TTC39B: variants seen among roughly 807,000 people sequenced by gnomAD.
TTC39B encodes the protein tetratricopeptide repeat protein 39B.
A neutral mutation model predicts 96.6 loss-of-function variants in TTC39B; 92 were observed. The observed-to-expected ratio is 0.95, with a 90% confidence interval of 0.80 to 1.13. The LOEUF (loss-of-function observed/expected upper bound fraction) is 1.13, where lower values mean the gene tolerates loss of function less well. Among genes scored for constraint, TTC39B ranks in the 50% most tolerant of loss-of-function variants. The pLI is 0.00. For missense variants in TTC39B, 955 were observed against 809.3 expected, an observed-to-expected ratio of 1.18 and a Z score of -2.18; for synonymous variants, 367 against 299.4, an observed-to-expected ratio of 1.23 and a Z score of -2.33.
chr9:15,263,065 C>T (rs935089023), intron 2 of TTC39B, among the ~76,000 whole-genome samples: 11 of 152,156 alleles, frequency 7.2e-5, no homozygotes, highest in Non-Finnish European at 2.9e-5. Context: ...TAATCAGAGG[C>T]CTCTGACTTG....
At chr9:15,186,317 T>C (rs549464821) in intron 15 of TTC39B, among the ~76,000 whole-genome samples, 4 of 152,068 alleles carry the variant, frequency 2.6e-5, no homozygotes, top group Non-Finnish European at 4.4e-5. Flanking sequence ...GAGGTGGGGG[T>C]CAGAGGAAGG....
rs1197140636 is a variant in TTC39B at position 15,273,907 on chromosome 9, T to C, written c.241-5959A>G. Among the ~76,000 whole-genome samples the C allele has an allele frequency of 1.1e-4, 17 of 152,166 alleles. No homozygotes were observed. In the South Asian group the frequency reaches 2.7e-3, roughly 24 times the overall value. On this transcript the variant is annotated intron_variant, in intron 1 of 19. Transcript: ENST00000512701. Reference sequence around the variant, plus strand: ...GGACTGAGGCAGGGACTAAGAGCCATGGGTATTAGGTTCTACGGAATACAA... The same window carrying C: ...GGACTGAGGCAGGGACTAAGAGCCACGGGTATTAGGTTCTACGGAATACAA...
At chr9:15,299,701 T>C (rs16932971) in intron 1 of TTC39B, among the ~76,000 whole-genome samples, 21,141 of 152,104 alleles carry the variant, frequency 0.14, 2,436 homozygotes, top group African/African-American at 0.32. Context: ...TACTGGGGCA[T>C]CCAAGACTGG....
chr9:15,257,362 G>C (rs1266416271), intron 2 of TTC39B, among the ~76,000 whole-genome samples: 1 of 152,180 alleles, frequency 6.6e-6, no homozygotes, highest in Non-Finnish European at 1.5e-5. Context: ...TTGGCCTTGA[G>C]TTGACAACTA....
intron 2 of TTC39B, among the ~76,000 whole-genome samples, chr9:15,252,069 TTTAGAAACA>T (rs1822581382): frequency 6.6e-6 from 1 of 152,120 alleles, no homozygotes; most frequent in African/African-American, 2.4e-5. Context: ...CTATAGATTC[TTTAGAAACA>T]TGAAAAGACC....
chr9:15,220,371 G>A (rs1773180532), intron 3 of TTC39B, among the ~76,000 whole-genome samples: 1 of 152,158 alleles, frequency 6.6e-6, no homozygotes, highest in Admixed American at 6.5e-5. Context: ...GGAGAGGAGG[G>A]ACCCCATAAG....
intron 2 of TTC39B, 48 bp from the exon 3 acceptor site, chr9:15,226,060 G>A (rs1821108232): frequency 1.9e-6 from 3 of 1,564,624 alleles, no homozygotes; most frequent in Non-Finnish European, 2.6e-6. Flanking sequence ...TTTGTCCTGT[G>A]AGAAAAGTCT....
At chr9:15,302,800 T>C (rs1220177494) in intron 1 of TTC39B, among the ~76,000 whole-genome samples, 1 of 151,586 alleles carries the variant, frequency 6.6e-6, no homozygotes, top group Non-Finnish European at 1.5e-5. Context: ...GCCGAGATCA[T>C]GCCATTGCAC....
chr9:15,184,079 G>A (rs1460067061), intron 16 of TTC39B, among the ~76,000 whole-genome samples: 1 of 151,846 alleles, frequency 6.6e-6, no homozygotes, highest in Non-Finnish European at 1.5e-5. Context: ...TGAAAAATTA[G>A]GAAAGAATAT....
intron 6 of TTC39B, among the ~76,000 whole-genome samples, chr9:15,204,205 G>A (rs1343008634): frequency 1.3e-5 from 2 of 152,148 alleles, no homozygotes; most frequent in Non-Finnish European, 2.9e-5. Flanking sequence ...TTTAAAAAAG[G>A]AAACCACTTA....
At chr9:15,277,682 T>C (rs1243109069) in intron 1 of TTC39B, among the ~76,000 whole-genome samples, 4 of 152,208 alleles carry the variant, frequency 2.6e-5, no homozygotes, top group African/African-American at 4.8e-5. Context: ...CTGGCACAGA[T>C]ACCATCCCTT....
At chr9:15,196,713 T>C (rs1043224800) in intron 8 of TTC39B, among the ~76,000 whole-genome samples, 1 of 152,168 alleles carries the variant, frequency 6.6e-6, no homozygotes, top group Non-Finnish European at 1.5e-5. Flanking sequence ...AACAAAGGAT[T>C]TGGAATATTA....
At chr9:15,190,448 T>C in intron 11 of TTC39B, 106 bp downstream of exon 11, 1 of 956,004 alleles carries the variant, frequency 1.0e-6, no homozygotes, top group East Asian at 2.5e-5. Flanking sequence ...TGGGTTCAAC[T>C]GATCCTCCCA....
At chr9:15,188,234 T>A in intron 13 of TTC39B, 102 bp from the exon 14 acceptor site, 1 of 1,174,298 alleles carries the variant, frequency 8.5e-7, no homozygotes, top group Non-Finnish European at 1.2e-6. Flanking sequence ...AGGACAAAAT[T>A]ATCACTCATT....
At chr9:15,241,139 T>G (rs1480742728) in intron 2 of TTC39B, among the ~76,000 whole-genome samples, 1 of 152,206 alleles carries the variant, frequency 6.6e-6, no homozygotes, top group Admixed American at 6.5e-5. Context: ...ATTTGCCAAG[T>G]GTCCCTTAGC....
chr9:15,187,225 A>G (rs1818579510), intron 14 of TTC39B, among the ~76,000 whole-genome samples, 190 bp from the exon 15 acceptor site: 1 of 152,182 alleles, frequency 6.6e-6, no homozygotes, highest in Non-Finnish European at 1.5e-5. Context: ...AATTTAAACC[A>G]TTTTCCTATT....
At chr9:15,251,721 ATATATATATATATATG>A (rs1414054971) in intron 2 of TTC39B, among the ~76,000 whole-genome samples, 5 of 122,536 alleles carry the variant, frequency 4.1e-5, no homozygotes, top group African/African-American at 1.2e-4. Flanking sequence ...ATATATATAT[ATATATATATATATATG>A]TAGTATATAT....
intron 6 of TTC39B, 22 bp downstream of exon 6, chr9:15,210,066 T>A: frequency 6.5e-7 from 1 of 1,539,826 alleles, no homozygotes; most frequent in Non-Finnish European, 8.9e-7. Flanking sequence ...AGGAAAAAAG[T>A]GATCTTTTAA....
intron 1 of TTC39B, among the ~76,000 whole-genome samples, chr9:15,277,507 CCT>C (rs749322130): frequency 1.9e-4 from 29 of 152,156 alleles, no homozygotes; most frequent in African/African-American, 6.0e-4. Flanking sequence ...AGTTATGGAA[CCT>C]CTGCTCACCA....
Sources: gnomAD v4.1 joint callset for allele counts (sites outside exome capture counted in the v4.1 genomes callset) on GRCh38, gnomAD v4.1.1 for gene constraint, MANE v1.5 for transcripts, NCBI Gene and HGNC (gene_info 2026-07-23, HGNC 2026-07-21) for gene names.